Variants in PLGRKT observed in about 807,000 individuals in gnomAD.
PLGRKT encodes plasminogen receptor (KT).
A neutral mutation model predicts 18.5 loss-of-function variants in PLGRKT; 22 were observed. The observed-to-expected ratio is 1.19, with a 90% confidence interval of 0.85 to 1.70. The LOEUF is 1.70. Among genes scored for constraint, PLGRKT ranks in the 40% most tolerant of loss-of-function variants. PLGRKT has a pLI of 0.00. For missense variants in PLGRKT, 235 were observed against 174.4 expected (o/e 1.35, Z -1.96); for synonymous variants, 72 against 52.8 (o/e 1.36, Z -1.58).
chr9:5,405,045 A>G (rs1315846340), intron 3 of PLGRKT, among the ~76,000 whole-genome samples: 1 of 152,176 alleles, frequency 6.6e-6, no homozygotes, highest in Non-Finnish European at 1.5e-5. Flanking sequence ...CAAAGAAAAT[A>G]AAATGCCTAG....
intron 2 of PLGRKT, among the ~76,000 whole-genome samples, chr9:5,436,227 G>A (rs975096722): frequency 6.6e-6 from 1 of 152,198 alleles, no homozygotes; most frequent in African/African-American, 2.4e-5. Flanking sequence ...TTAGGAGCGA[G>A]ATATTATCCA....
At chr9:5,406,505 A>C (rs1470359090) in intron 3 of PLGRKT, among the ~76,000 whole-genome samples, 2 of 151,948 alleles carry the variant, frequency 1.3e-5, no homozygotes, top group South Asian at 2.1e-4. Context: ...AAACTAACGC[A>C]GGAACAGAAA....
chr9:5,396,515 G>C (rs7024866), intron 3 of PLGRKT, among the ~76,000 whole-genome samples: 15 of 151,438 alleles, frequency 9.9e-5, no homozygotes, highest in African/African-American at 3.4e-4. Flanking sequence ...GGCTGGTCTC[G>C]ATCTCCTAAC....
At chr9:5,364,809 G>T (rs1817347651) in intron 3 of PLGRKT, among the ~76,000 whole-genome samples, 1 of 152,120 alleles carries the variant, frequency 6.6e-6, no homozygotes, top group South Asian at 2.1e-4. Context: ...TGGAAGCCAG[G>T]TTTCTTATTA....
At chr9:5,366,148 A>G (rs1229601406) in intron 3 of PLGRKT, among the ~76,000 whole-genome samples, 3 of 152,144 alleles carry the variant, frequency 2.0e-5, no homozygotes, top group East Asian at 1.9e-4. Flanking sequence ...AAATTAATAA[A>G]CTTGACTGTC....
At chr9:5,369,165 C>G (rs922897546) in intron 3 of PLGRKT, among the ~76,000 whole-genome samples, 1 of 152,198 alleles carries the variant, frequency 6.6e-6, no homozygotes, top group East Asian at 1.9e-4. Context: ...TCAGAGTGAA[C>G]AGACCAACTA....
At chr9:5,426,804 G>C (rs1000337579) in intron 3 of PLGRKT, among the ~76,000 whole-genome samples, 2 of 152,124 alleles carry the variant, frequency 1.3e-5, no homozygotes, top group African/African-American at 2.4e-5. Flanking sequence ...GAGCAGACTT[G>C]CTCATCACTC....
intron 3 of PLGRKT, among the ~76,000 whole-genome samples, chr9:5,410,453 C>T (rs893988196): frequency 6.7e-6 from 1 of 148,492 alleles, no homozygotes; most frequent in Non-Finnish European, 1.5e-5. Flanking sequence ...GGGCCAAGAT[C>T]GTGCCACTGC....
At chr9:5,421,719 G>GT (rs1481397175) in intron 3 of PLGRKT, among the ~76,000 whole-genome samples, 1 of 152,176 alleles carries the variant, frequency 6.6e-6, no homozygotes, top group Non-Finnish European at 1.5e-5. Flanking sequence ...ACCCTACAAA[G>GT]TATCATACTC....
intron 3 of PLGRKT, among the ~76,000 whole-genome samples, chr9:5,403,289 T>A (rs1428590386): frequency 6.6e-6 from 1 of 150,420 alleles, no homozygotes; most frequent in Non-Finnish European, 1.5e-5. Context: ...AATGGTGCGA[T>A]CTCCGCTCAC....
intron 3 of PLGRKT, among the ~76,000 whole-genome samples, chr9:5,378,870 G>C (rs1483141361): frequency 6.6e-6 from 1 of 151,990 alleles, no homozygotes. Flanking sequence ...AAATCAACAA[G>C]CTTAATATGT....
At chr9:5,392,494 C>T (rs1037536100) in intron 3 of PLGRKT, 1 of 151,916 alleles carries the variant, frequency 6.6e-6, no homozygotes, top group African/African-American at 2.4e-5. Flanking sequence ...TAGCATGTCT[C>T]GGCTTTTGCA....
At chr9:5,405,443 C>T (rs1038266845) in intron 3 of PLGRKT, among the ~76,000 whole-genome samples, 6 of 152,046 alleles carry the variant, frequency 3.9e-5, no homozygotes, top group African/African-American at 7.2e-5. Context: ...ATACATAACT[C>T]GGAAATGAAA....
At position 5,418,571 on chromosome 9, in the gene PLGRKT, C is replaced by A; in HGVS notation, c.81+13326G>T. 1.3e-6 allele frequency: 1 copy of A among 776,378 alleles called. No homozygotes were observed. Among genetic ancestry groups the A allele is most frequent in the Non-Finnish European group, 2.3e-6 (1 of 428,436 alleles). 48.1% of individuals were successfully genotyped at this position (776,378 alleles called of 1,614,324 possible). A position where few individuals can be genotyped will look rare whatever the true frequency, so the allele number is the denominator to read the frequency against. ...CTGCCTTGCAGAGGCTGCTGTCCAG[C>A]AGGGATGGTCACCACAGTGACGGAC... On this transcript the variant is annotated intron_variant, in intron 3 of 5. Transcript: ENST00000223864. This position sits in a 1 kb window ranked among gnomAD's most constrained non-coding sequence, Gnocchi z 4.2.
chr9:5,421,178 C>T (rs73641606), intron 3 of PLGRKT, among the ~76,000 whole-genome samples: 2,776 of 152,304 alleles, frequency 0.018, 80 homozygotes, highest in African/African-American at 0.063. Context: ...TCTGGCCATA[C>T]CAGCCTCTTT....
chr9:5,363,915 G>A (rs559588324), intron 3 of PLGRKT, among the ~76,000 whole-genome samples: 1 of 152,196 alleles, frequency 6.6e-6, no homozygotes, highest in Middle Eastern at 3.2e-3. Context: ...TTTAAAAATA[G>A]ATGTGTTTTT....
At chr9:5,403,227 T>TC (rs1280700253) in intron 3 of PLGRKT, among the ~76,000 whole-genome samples, 2 of 149,402 alleles carry the variant, frequency 1.3e-5, no homozygotes, top group African/African-American at 4.9e-5. Flanking sequence ...CTTTTTTCTT[T>TC]TTTTTTTTTT....
intron 3 of PLGRKT, among the ~76,000 whole-genome samples, chr9:5,424,220 T>C (rs1031215537): frequency 7.2e-5 from 10 of 138,016 alleles, no homozygotes; most frequent in Admixed American, 3.9e-4. Context: ...TAATATGTAA[T>C]ATATATGTAT....
At chr9:5,400,332 T>C (rs1434984942) in intron 3 of PLGRKT, among the ~76,000 whole-genome samples, 3 of 151,914 alleles carry the variant, frequency 2.0e-5, no homozygotes, top group African/African-American at 7.3e-5. Context: ...GGTGCATAAC[T>C]GAAAATAATC....
Sources: gnomAD v4.1 joint callset for allele counts (sites outside exome capture counted in the v4.1 genomes callset) on GRCh38, gnomAD v4.1.1 for gene constraint, Gnocchi (gnomAD v3.1) non-coding constraint, MANE v1.5 for transcripts, NCBI Gene and HGNC (gene_info 2026-07-23, HGNC 2026-07-21) for gene names.